FKBP9: variants seen among roughly 807,000 people sequenced by gnomAD.
FKBP9 encodes the protein peptidyl-prolyl cis-trans isomerase FKBP9.
FKBP9 carries 27 observed loss-of-function variants against 55.6 expected under a neutral mutation model. The ratio of observed to expected loss-of-function variants is 0.49; its 90% CI spans 0.36 to 0.67. FKBP9 has a LOEUF of 0.67. FKBP9 is among the 30% of genes least tolerant of loss of function. FKBP9 has a pLI of 0.00. For synonymous variants in FKBP9, 267 were observed against 296.5 expected (o/e 0.90, Z 1.02); for missense variants, 539 against 742.8 (o/e 0.73, Z 3.19).
chr7:32,980,474 G>A lies in FKBP9; in HGVS notation c.814G>A (p.Glu272Lys), dbSNP rs763875671. ...IENKVVPENC[E>K]RISQSGDFLR... ...GAACAAGGTAGTACCTGAAAACTGT[G>A]AGCGGATAAGTCAAAGTGGGGACTT... Residue 272 changes from glutamate (E) to lysine (K), a missense_variant, in exon 5 of 10, where the codon GAG becomes AAG. Coordinates refer to ENST00000242209, the MANE Select transcript of FKBP9 (RefSeq NM_007270.5). The A allele has an allele frequency of 3.9e-5, 63 of 1,613,744 alleles. No homozygotes were observed. Among genetic ancestry groups the A allele is most frequent in the Middle Eastern group, 1.6e-4 (1 of 6,078 alleles).
At chr7:32,983,243 T>G (rs1784517699) in intron 5 of FKBP9, among the ~76,000 whole-genome samples, 1 of 151,662 alleles carries the variant, frequency 6.6e-6, no homozygotes, top group African/African-American at 2.4e-5. Context: ...AGGCTGGTCT[T>G]GAACTCCTGA....
chr7:32,977,863 A>G lies in FKBP9; in HGVS notation c.703+1364A>G, dbSNP rs891450447. Among the ~76,000 whole-genome samples, 123 of 127,026 alleles carry G rather than the reference A, an allele frequency of 9.7e-4. 2 individuals carry two copies. Among genetic ancestry groups the G allele is most frequent in the African/African-American group, 3.3e-3 (118 of 35,382 alleles). 83.3% of individuals were successfully genotyped at this position (127,026 alleles called of 152,430 possible). Reference sequence around the variant, plus strand: ...TATATATACACTCATATATATATATACATGCCCATATATATATATGTATAT... The same window carrying G: ...TATATATACACTCATATATATATATGCATGCCCATATATATATATGTATAT... On this transcript the variant is annotated intron_variant, in intron 4 of 9. Coordinates refer to ENST00000242209, the MANE Select transcript of FKBP9 (RefSeq NM_007270.5).
intron 6 of FKBP9, among the ~76,000 whole-genome samples, chr7:32,994,172 C>T (rs1784739366): frequency 6.6e-6 from 1 of 152,180 alleles, no homozygotes; most frequent in Non-Finnish European, 1.5e-5. Flanking sequence ...ATTACCTCTA[C>T]CTAATTCCAG....
intron 1 of FKBP9, among the ~76,000 whole-genome samples, chr7:32,966,151 C>T (rs796665598): frequency 7.4e-6 from 1 of 134,292 alleles, no homozygotes; most frequent in Non-Finnish European, 1.6e-5. Context: ...CAAGATCGTG[C>T]CACTGCACTC....
intron 5 of FKBP9, among the ~76,000 whole-genome samples, chr7:32,983,332 T>C (rs1384127772): frequency 1.3e-5 from 2 of 151,110 alleles, no homozygotes; most frequent in African/African-American, 2.4e-5. Flanking sequence ...CCTTTTTTTT[T>C]GAGACAGTAT....
intron 1 of FKBP9, among the ~76,000 whole-genome samples, chr7:32,974,361 ATTT>A (rs5883378): frequency 4.8e-5 from 7 of 145,334 alleles, no homozygotes; most frequent in Non-Finnish European, 6.0e-5. Flanking sequence ...AGTTTAACAC[ATTT>A]TTTTTTTTTT....
chr7:32,991,740 C>T (rs1043213258), intron 6 of FKBP9, among the ~76,000 whole-genome samples: 5 of 152,148 alleles, frequency 3.3e-5, no homozygotes, highest in African/African-American at 1.2e-4. Flanking sequence ...GAAATTAGGG[C>T]ATTTGGATGG....
intron 7 of FKBP9, among the ~76,000 whole-genome samples, chr7:32,997,016 G>A (rs1279195694): frequency 2.0e-5 from 3 of 151,384 alleles, no homozygotes; most frequent in South Asian, 4.2e-4. Context: ...GGATGGTCTC[G>A]ATCTCCTGAC....
intron 1 of FKBP9, among the ~76,000 whole-genome samples, chr7:32,963,988 G>C (rs1245698201): frequency 9.9e-5 from 15 of 152,240 alleles, no homozygotes; most frequent in African/African-American, 3.6e-4. Flanking sequence ...CAGTAGGCTG[G>C]ACAGCAGCCA....
At chr7:32,969,214 T>A (rs575309963) in intron 1 of FKBP9, among the ~76,000 whole-genome samples, 1 of 152,166 alleles carries the variant, frequency 6.6e-6, no homozygotes, top group Non-Finnish European at 1.5e-5. Context: ...CTGTTGATTG[T>A]TTTCTTTGCT....
At chr7:32,967,092 A>G (rs904102476) in intron 1 of FKBP9, among the ~76,000 whole-genome samples, 33 of 152,192 alleles carry the variant, frequency 2.2e-4, no homozygotes, top group Non-Finnish European at 4.4e-4. Flanking sequence ...GGTTCCTGTC[A>G]GGTAACCCCT....
intron 9 of FKBP9, among the ~76,000 whole-genome samples, chr7:33,004,161 C>T (rs537101181): frequency 7.2e-5 from 11 of 152,198 alleles, no homozygotes; most frequent in Admixed American, 1.3e-4. Flanking sequence ...CAGAACCTGA[C>T]GCTTCTTACC....
At chr7:32,996,422 T>C (rs927834255) in intron 7 of FKBP9, 73 bp downstream of exon 7, 5 of 954,256 alleles carry the variant, frequency 5.2e-6, no homozygotes, top group Non-Finnish European at 6.5e-6. Flanking sequence ...TCCTCCTCTC[T>C]TGGGTAGATG....
rs761928580 is a variant in FKBP9, at chr7:33,002,851, G to A, written c.1536+12G>A. 5 of 1,611,314 alleles carry A rather than the reference G, an allele frequency of 3.1e-6. No homozygotes were observed. The highest frequency in any genetic ancestry group is 4.2e-6 in the Non-Finnish European group (5 of 1,178,450). ...TCCTCCTGGAAGAGGTAACTAACTG[G>A]CCTCTGTAGGAAGGTGGGACCGAAG... On this transcript the variant is annotated intron_variant, in intron 9 of 9. Coordinates refer to ENST00000242209, the MANE Select transcript of FKBP9 (RefSeq NM_007270.5).
At chr7:32,969,579 G>A (rs536344248) in intron 1 of FKBP9, among the ~76,000 whole-genome samples, 17 of 152,206 alleles carry the variant, frequency 1.1e-4, no homozygotes, top group African/African-American at 4.1e-4. Context: ...ATTGGTCTAT[G>A]TGTCTGTATT....
intron 5 of FKBP9, among the ~76,000 whole-genome samples, chr7:32,981,618 A>C (rs1380443211): frequency 6.6e-6 from 1 of 152,150 alleles, no homozygotes; most frequent in Admixed American, 6.5e-5. Context: ...ATATGGCATT[A>C]TTTCATTTGA....
At chr7:32,999,435 G>A (rs1784885922) in intron 7 of FKBP9, among the ~76,000 whole-genome samples, 1 of 149,888 alleles carries the variant, frequency 6.7e-6, no homozygotes, top group African/African-American at 2.5e-5. Context: ...CTGGCTTCCT[G>A]AGGCCCATGG....
intron 1 of FKBP9, among the ~76,000 whole-genome samples, chr7:32,965,706 G>A (rs1784118442): frequency 6.8e-6 from 1 of 147,192 alleles, no homozygotes; most frequent in Admixed American, 7.0e-5. Flanking sequence ...GCTGAGACAG[G>A]AGAATTGCTT....
intron 4 of FKBP9, among the ~76,000 whole-genome samples, chr7:32,977,963 C>T (rs183777562): frequency 9.0e-4 from 132 of 146,030 alleles, no homozygotes; most frequent in Non-Finnish European, 1.6e-3. Context: ...ACTCTGTTGC[C>T]CAGGCTGGAG....
Sources: gnomAD v4.1 joint callset for allele counts (sites outside exome capture counted in the v4.1 genomes callset) on GRCh38, gnomAD v4.1.1 for gene constraint, MANE v1.5 for transcripts, NCBI Gene and HGNC (gene_info 2026-07-23, HGNC 2026-07-21) for gene names.